HS1BP3: variants seen among roughly 807,000 people sequenced by gnomAD.
The protein encoded by HS1BP3 is HCLS1 binding protein 3.
Under a neutral mutation model 33.5 loss-of-function variants are expected in HS1BP3, and 32 were observed. That is an observed-to-expected ratio of 0.95 (90% CI 0.72 to 1.28). The LOEUF (loss-of-function observed/expected upper bound fraction) is 1.28. HS1BP3 is among the 50% of genes most tolerant of loss of function. The probability of loss-of-function intolerance (pLI) is 0.00; values close to 1 mark genes in which losing one functional copy is unlikely to be tolerated. For missense variants in HS1BP3, 486 were observed against 502.3 expected (o/e 0.97, Z 0.31); for synonymous variants, 187 against 209.2 (o/e 0.89, Z 0.92).
At chr2:20,633,607 C>T (rs1695031004) in intron 4 of HS1BP3, among the ~76,000 whole-genome samples, 2 of 152,222 alleles carry the variant, frequency 1.3e-5, no homozygotes, top group Non-Finnish European at 2.9e-5. Flanking sequence ...ACTGCAACCT[C>T]CGCCTCCCAG....
chr2:20,599,766 C>G (rs1444523236), intron 2 of HS1BP3, among the ~76,000 whole-genome samples: 2 of 152,046 alleles, frequency 1.3e-5, no homozygotes, highest in Non-Finnish European at 2.9e-5. Flanking sequence ...GAGGGACTGC[C>G]TGATTAGCAC....
At chr2:20,561,522 C>T (rs1692995857) in intron 5 of HS1BP3, among the ~76,000 whole-genome samples, 1 of 152,114 alleles carries the variant, frequency 6.6e-6, no homozygotes, top group African/African-American at 2.4e-5. Context: ...GGCTTCCCTC[C>T]ATCACACACA....
At chr2:20,555,629 T>G (rs1399498565), downstream of HS1BP3, among the ~76,000 whole-genome samples, 1 of 151,878 alleles carries the variant, frequency 6.6e-6, no homozygotes, top group Non-Finnish European at 1.5e-5. Context: ...GTGAGTTTCC[T>G]TCCTTCCTTC....
At chr2:20,557,790 T>C (rs1437851169), downstream of HS1BP3, among the ~76,000 whole-genome samples, 1 of 152,122 alleles carries the variant, frequency 6.6e-6, no homozygotes. Flanking sequence ...TCTCTCCTGG[T>C]TCAGGAATGC....
At position 20,581,235 on chromosome 2, in the gene HS1BP3, C is replaced by T. The variant is rs115596333; in HGVS notation, c.303-20720G>A. The stretch of plus-strand genomic sequence containing the variant: ...CTCTCCAAGCTCCAGCCTGACATTC[C>T]GAAGCCTTCCATTTATCTCACTGTC... On this transcript the variant is annotated intron_variant, in intron 5 of 5. Coordinates refer to the HS1BP3 transcript ENST00000446825. Among the ~76,000 whole-genome samples, 879 of 152,324 alleles carry T rather than the reference C, an allele frequency of 5.8e-3. 11 individuals carry two copies. Among genetic ancestry groups the T allele is most frequent in the African/African-American group, 0.019 (807 of 41,574 alleles).
At chr2:20,600,245 C>T (rs770639490) in intron 2 of HS1BP3, among the ~76,000 whole-genome samples, 7 of 152,112 alleles carry the variant, frequency 4.6e-5, no homozygotes, top group Non-Finnish European at 8.8e-5. Context: ...GTGACCCTGC[C>T]CCTGGCACCA....
In HS1BP3 at chr2:20,594,083, A is replaced by C. The variant is rs148570919; in HGVS notation, c.*13-1289T>G. ...CATCTTTAAATCTGGGCATCGACCCATCGGGGATGGCTACAATAGCTTGCA... is the reference window on the plus strand; with the variant it reads ...CATCTTTAAATCTGGGCATCGACCCCTCGGGGATGGCTACAATAGCTTGCA... On this transcript the variant is annotated intron_variant, in intron 3 of 3. Coordinates refer to the HS1BP3 transcript ENST00000415264. 3.4e-3 allele frequency among the ~76,000 whole-genome samples: 517 copies of C among 152,340 alleles called. 2 individuals carry two copies. Among genetic ancestry groups the C allele is most frequent in the African/African-American group, 0.011 (473 of 41,586 alleles).
At position 20,596,626 on chromosome 2, in the gene HS1BP3, T is replaced by C. The variant is rs147127743; in HGVS notation, c.*12+1582A>G. Among the ~76,000 whole-genome samples the C allele has an allele frequency of 5.6e-3, 860 of 152,332 alleles. 6 individuals carry two copies. Among genetic ancestry groups the C allele is most frequent in the Middle Eastern group, 0.01 (3 of 294 alleles). On this transcript the variant is annotated intron_variant, in intron 3 of 3. Transcript: ENST00000415264. Reference sequence around the variant, plus strand: ...CTGTTGTTTATAATCACCCAGTCTATGGCAGTTTTTATAGCAGCTTGAAAG... The same window carrying C: ...CTGTTGTTTATAATCACCCAGTCTACGGCAGTTTTTATAGCAGCTTGAAAG...
intron 2 of HS1BP3, chr2:20,598,269 C>T: frequency 2.4e-6 from 1 of 423,544 alleles, no homozygotes; most frequent in African/African-American, 2.0e-5. Flanking sequence ...GTCCCACCTT[C>T]AGGGGATGAG....
intron 4 of HS1BP3, among the ~76,000 whole-genome samples, chr2:20,626,169 G>GA (rs1244714433): frequency 6.6e-6 from 1 of 152,310 alleles, no homozygotes; most frequent in East Asian, 1.9e-4. Context: ...AAAAATAGCA[G>GA]AATGGCCCTG....
In HS1BP3 at chr2:20,618,934, A is replaced by C. The variant is rs1694505076; in HGVS notation, c.*53T>G. 3.2e-6 allele frequency: 5 copies of C among 1,572,752 alleles called. No individual in the cohort carries two copies. In the Admixed American group the frequency reaches 7.1e-5, roughly 22 times the overall value. ...CTGCAGGGCCCAGTCCCTTCCCTTCACACCGATGTCCCCACAGACAGGCCT... is the reference window on the plus strand; with the variant it reads ...CTGCAGGGCCCAGTCCCTTCCCTTCCCACCGATGTCCCCACAGACAGGCCT... On this transcript the variant is annotated 3_prime_UTR_variant, in exon 7 of 7. Coordinates refer to ENST00000304031, the MANE Select transcript of HS1BP3 (RefSeq NM_022460.4).
At position 20,651,085 on chromosome 2, in the gene HS1BP3, C is replaced by G. The variant is rs555332265; in HGVS notation, c.-22G>C. ...GCATGACGGCGGCGGGGACTCCGGG[C>G]GGGGCGCGCAGTCACGGGACCCGGC... On this transcript the variant is annotated 5_prime_UTR_variant, in exon 1 of 7. Transcript: ENST00000304031. The G allele has an allele frequency of 1.1e-4, 131 of 1,229,656 alleles. No individual in the cohort carries two copies. In the African/African-American group the frequency reaches 1.8e-3, roughly 17 times the overall value. The allele number at this position is 1,229,656 out of a possible 1,614,324, so 76.2% of individuals were successfully genotyped here.
chr2:20,649,452 C>G (rs1355702016), intron 1 of HS1BP3, among the ~76,000 whole-genome samples: 1 of 152,250 alleles, frequency 6.6e-6, no homozygotes, highest in Non-Finnish European at 1.5e-5. Flanking sequence ...CACTCTGTTG[C>G]CCCCACTGTT....
chr2:20,570,783 C>T (rs903478905), intron 5 of HS1BP3, among the ~76,000 whole-genome samples: 2 of 152,122 alleles, frequency 1.3e-5, no homozygotes, highest in African/African-American at 4.8e-5. Flanking sequence ...AGGCTTGGAG[C>T]AAGTGGCTCT....
In HS1BP3 at chr2:20,619,223, T is replaced by A. The variant is rs1268021340; in HGVS notation, c.943A>T (p.Ile315Phe). 6.2e-7 allele frequency: 1 copy of A among 1,610,574 alleles called. No homozygotes were observed. The highest frequency in any genetic ancestry group is 2.2e-5 in the East Asian group (1 of 44,844). ...LFRVEEDLDQILNLGAEPKPK... is the reference protein window; with the variant it reads ...LFRVEEDLDQFLNLGAEPKPK... ...TTGGGCTCAGCTCCCAGGTTCAGAA[T>A]CTGGTCCAAGTCCTCTTCAACTCTA... The change falls in exon 7 of 7, where the codon ATT (isoleucine) becomes TTT (phenylalanine). Residue 315 changes from isoleucine (I) to phenylalanine (F), a missense_variant. Transcript: ENST00000304031.
downstream of HS1BP3, among the ~76,000 whole-genome samples, chr2:20,558,589 G>A (rs553628727): frequency 7.2e-5 from 11 of 152,310 alleles, no homozygotes; most frequent in African/African-American, 1.2e-4. Context: ...GCGCTGGCAC[G>A]AAGAGGGTGG....
chr2:20,605,757 G>A (rs1182186056), intron 2 of HS1BP3, among the ~76,000 whole-genome samples: 1 of 152,184 alleles, frequency 6.6e-6, no homozygotes, highest in Non-Finnish European at 1.5e-5. Context: ...GTGTGTGTCA[G>A]CACTTCTTGT....
At chr2:20,645,551 A>C in intron 1 of HS1BP3, 46 bp from the exon 2 acceptor site, 1 of 1,558,846 alleles carries the variant, frequency 6.4e-7, no homozygotes, top group Non-Finnish European at 8.7e-7. Context: ...TCAAGGCAGT[A>C]GGCTTCCCGA....
At chr2:20,610,890 T>C (rs193134980) in intron 2 of HS1BP3, among the ~76,000 whole-genome samples, 3 of 152,370 alleles carry the variant, frequency 2.0e-5, no homozygotes, top group Non-Finnish European at 4.4e-5. Flanking sequence ...TTTATAGTCA[T>C]GCTCACAGCG....
Sources: allele counts gnomAD v4.1 joint callset (sites outside exome capture counted in the v4.1 genomes callset), GRCh38; gene constraint gnomAD v4.1.1; transcripts MANE v1.5; gene names NCBI Gene and HGNC (gene_info 2026-07-23, HGNC 2026-07-21).